The following UROD variants were observed in gnomAD, a reference collection of about 807,000 sequenced individuals.
UROD encodes the protein uroporphyrinogen III decarboxylase.
Under a neutral mutation model 47.1 loss-of-function variants are expected in UROD, and 34 were observed. The ratio of observed to expected loss-of-function variants is 0.72; its 90% CI spans 0.55 to 0.96. The LOEUF (loss-of-function observed/expected upper bound fraction) is 0.96, where lower values mean the gene tolerates loss of function less well. Among genes scored for constraint, UROD ranks in the 40% least tolerant of loss-of-function variants. The pLI is 0.00. For missense variants in UROD, 381 were observed against 471.8 expected (o/e 0.81, Z 1.78); for synonymous variants, 148 against 175.8 (o/e 0.84, Z 1.25).
Position 45,013,916 on chromosome 1 carries a change from T to C in UROD, c.482T>C (p.Leu161Pro). The C allele has an allele frequency of 6.2e-7, 1 of 1,614,222 alleles. No individual in the cohort carries two copies. The highest frequency in any genetic ancestry group is 8.5e-7 in the Non-Finnish European group (1 of 1,180,038). ...CTTTCTATCCTTCTCTAGTGGACCC[T>C]GATGACATACATGGTTGAGGGTGGT... is the stretch of plus-strand genomic sequence containing the variant. ...LIGFAGAPWTLMTYMVEGGGS... is the reference protein window; with the variant it reads ...LIGFAGAPWTPMTYMVEGGGS... The change falls in exon 6 of 10, where the codon CTG becomes CCG. Residue 161 changes from leucine to proline, a missense_variant. By Grantham distance (98) the Leu-to-Pro change is moderately conservative. Coordinates refer to ENST00000246337, the MANE Select transcript of UROD (RefSeq NM_000374.5). This position sits in a 1 kb window ranked among gnomAD's most constrained non-coding sequence, Gnocchi z 4.2.
chr1:45,015,444 G>A lies in UROD; in HGVS notation c.1050G>A (p.Val350=). The change falls in exon 10 of 10, where the codon GTG becomes GTA. Residue 350 remains valine, a synonymous_variant. Transcript: ENST00000246337. ...GLYPDMDPEH[V]GAFVDAVHKH... ...ATCCTGACATGGACCCAGAACATGT[G>A]GGCGCCTTTGTGGATGCTGTGCATA... 6.2e-7 allele frequency: 1 copy of A among 1,614,158 alleles called. No individual in the cohort carries two copies. Among genetic ancestry groups the A allele is most frequent in the South Asian group, 1.1e-5 (1 of 91,082 alleles).
chr1:45,015,224 G>A, intron 9 of UROD, 113 bp from the exon 10 acceptor site: 1 of 1,493,944 alleles, frequency 6.7e-7, no homozygotes, highest in Non-Finnish European at 9.1e-7. Flanking sequence ...TTTATTGAAT[G>A]ACTGAATAAC....
Position 45,013,781 on chromosome 1 carries a change from C to T in UROD, c.464C>T (p.Ala155Val), listed in dbSNP as rs1644825452. The change falls in exon 5 of 10, where the codon GCT (alanine) becomes GTT (valine). Residue 155 changes from alanine (A) to valine (V), a missense_variant. Physicochemically the swap from Ala to Val is moderately conservative, Grantham distance 64 (BLOSUM62 0). Coordinates refer to ENST00000246337, the MANE Select transcript of UROD (RefSeq NM_000374.5). The surrounding 1 kb of genome is among the most constrained non-coding windows in gnomAD (Gnocchi z 4.2). The part of the protein sequence containing the change: ...LAGRVPLIGF[A>V]GAPWTLMTYM... ...GGACGTGTGCCGCTGATTGGCTTTG[C>T]TGGTGCCCCAGTAATGTGGGACAGG... is the stretch of plus-strand genomic sequence containing the variant. 6.2e-7 allele frequency: 1 copy of T among 1,614,078 alleles called. No individual in the cohort carries two copies. The highest frequency in any genetic ancestry group is 8.5e-7 in the Non-Finnish European group (1 of 1,180,046).
rs1569967052 is a variant in UROD at position 45,014,944 on chromosome 1, T to A, written c.880T>A (p.Cys294Ser). 1 of 1,613,572 alleles carries A rather than the reference T, an allele frequency of 6.2e-7. No homozygotes were observed. Among genetic ancestry groups the A allele is most frequent in the South Asian group, 1.1e-5 (1 of 91,046 alleles). Residue 294 changes from cysteine to serine, a missense_variant, in exon 9 of 10, where the codon TGT becomes AGT. Physicochemically the swap from Cys to Ser is moderately radical, Grantham distance 112. Coordinates refer to ENST00000246337, the MANE Select transcript of UROD (RefSeq NM_000374.5). ...WTVAPKKARE[C>S]VGKTVTLQGN... is the part of the protein sequence containing the mutation. ...TGGCGCTGGCTTTGCTTCCAGGGAG[T>A]GTGTGGGGAAGACGGTGACATTGCA...
chr1:45,013,140 T>A lies in UROD; in HGVS notation c.138T>A (p.Phe46Leu), dbSNP rs769378741. 1.3e-5 allele frequency: 21 copies of A among 1,614,178 alleles called. No homozygotes were observed. Among genetic ancestry groups the A allele is most frequent in the Non-Finnish European group, 1.6e-5 (19 of 1,180,024 alleles). ...CTGTCTTCCCTCTGTATGCAGAGTTTAGGGAAACCCGGGCTGCCCAGGACT... is the reference window on the plus strand; with the variant it reads ...CTGTCTTCCCTCTGTATGCAGAGTTAAGGGAAACCCGGGCTGCCCAGGACT... ...MRQAGRYLPEFRETRAAQDFF... is the reference protein window; with the variant it reads ...MRQAGRYLPELRETRAAQDFF... The change falls in exon 3 of 10, where the codon TTT becomes TTA. Residue 46 changes from phenylalanine to leucine, a missense_variant. Transcript: ENST00000246337. The surrounding 1 kb of genome is among the most constrained non-coding windows in gnomAD (Gnocchi z 4.2).
At chr1:45,014,385 G>C (rs1644831053) in intron 6 of UROD, 54 bp from the exon 7 acceptor site, 4 of 1,613,060 alleles carry the variant, frequency 2.5e-6, no homozygotes, top group Non-Finnish European at 3.4e-6. Flanking sequence ...TTTGTATGTG[G>C]GGGAAACTTC....
rs1569960034 is a variant in UROD at position 45,013,002 on chromosome 1, C to G, written c.116C>G (p.Ala39Gly). Residue 39 changes from alanine (A) to glycine (G), a missense_variant, in exon 2 of 10, where the codon GCA becomes GGA. Transcript: ENST00000246337. The surrounding 1 kb of genome is among the most constrained non-coding windows in gnomAD (Gnocchi z 4.2). ...DYTPVWCMRQ[A>G]GRYLPEFRET... ...ACTCCCGTTTGGTGCATGCGCCAGG[C>G]AGGCCGTTACTTACCAGGTAAGAGT... The G allele has an allele frequency of 6.2e-7, 1 of 1,614,088 alleles. No homozygotes were observed. Among genetic ancestry groups the G allele is most frequent in the South Asian group, 1.1e-5 (1 of 91,080 alleles).
chr1:45,012,258 A>G lies in UROD; in HGVS notation c.-8A>G. The G allele has an allele frequency of 1.2e-6, 2 of 1,613,950 alleles. No individual in the cohort carries two copies. The highest frequency in any genetic ancestry group is 1.3e-5 in the African/African-American group (1 of 75,040). ...GTGGATTGAGCTCGCAGTTACAGAC[A>G]GCTGACCATGGAAGCGAATGGGTTG... On this transcript the variant is annotated 5_prime_UTR_variant, in exon 1 of 10. Transcript: ENST00000246337.
chr1:45,013,571 C>A lies in UROD; in HGVS notation c.277-23C>A, dbSNP rs1644823260. ...TCCTCCTGGATTCCATTTTGGGAAC[C>A]CAGATGTTTTCTCCCCCTCCAGGCA... On this transcript the variant is annotated intron_variant, in intron 4 of 9. Coordinates refer to ENST00000246337, the MANE Select transcript of UROD (RefSeq NM_000374.5). This position sits in a 1 kb window ranked among gnomAD's most constrained non-coding sequence, Gnocchi z 4.2. The A allele has an allele frequency of 6.2e-7, 1 of 1,613,960 alleles. No homozygotes were observed. Among genetic ancestry groups the A allele is most frequent in the Non-Finnish European group, 8.5e-7 (1 of 1,180,018 alleles).
rs765189134 is a variant in UROD at position 45,013,061 on chromosome 1, G to A, written c.133+42G>A. ...GGAAATCTAGATAAAACTCCGGAGG[G>A]AGAAAAGTTTTCGAGGGGCAGGGGA... On this transcript the variant is annotated intron_variant, in intron 2 of 9. Transcript: ENST00000246337. This position sits in a 1 kb window ranked among gnomAD's most constrained non-coding sequence, Gnocchi z 4.2. 3.7e-6 allele frequency: 6 copies of A among 1,614,112 alleles called. No individual in the cohort carries two copies. In the South Asian group the frequency reaches 6.6e-5, roughly 18 times the overall value.
At chr1:45,014,246 T>C in intron 6 of UROD, 176 bp downstream of exon 6, 1 of 1,287,872 alleles carries the variant, frequency 7.8e-7, no homozygotes. Context: ...GGCTTAATGC[T>C]CTAAGTATTC....
chr1:45,012,947 C>G lies in UROD; in HGVS notation c.61C>G (p.Arg21Gly). The G allele has an allele frequency of 6.2e-7, 1 of 1,613,900 alleles. No individual in the cohort carries two copies. Among genetic ancestry groups the G allele is most frequent in the Admixed American group, 1.7e-5 (1 of 60,004 alleles). ...GGAGCTGAAGAATGACACATTCCTG[C>G]GAGCAGCCTGGGGAGAGGAAACAGA... ...FPELKNDTFLRAAWGEETDYT... is the reference protein window; with the variant it reads ...FPELKNDTFLGAAWGEETDYT... The change falls in exon 2 of 10, where the codon CGA becomes GGA. Residue 21 changes from arginine (R) to glycine (G), a missense_variant. Coordinates refer to ENST00000246337, the MANE Select transcript of UROD (RefSeq NM_000374.5).
chr1:45,013,629 A>T lies in UROD; in HGVS notation c.312A>T (p.Lys104Asn). 1 of 1,614,000 alleles carries T rather than the reference A, an allele frequency of 6.2e-7. No homozygotes were observed. Among genetic ancestry groups the T allele is most frequent in the Admixed American group, 1.7e-5 (1 of 60,006 alleles). The change falls in exon 5 of 10, where the codon AAA becomes AAT. Residue 104 changes from lysine (K) to asparagine (N), a missense_variant. By Grantham distance (94) the Lys-to-Asn change is moderately conservative. Coordinates refer to ENST00000246337, the MANE Select transcript of UROD (RefSeq NM_000374.5). The surrounding 1 kb of genome is among the most constrained non-coding windows in gnomAD (Gnocchi z 4.2). ...TGGAGGTGACCATGGTACCTGGCAAAGGACCCAGCTTCCCAGAGCCATTAA... is the reference window on the plus strand; with the variant it reads ...TGGAGGTGACCATGGTACCTGGCAATGGACCCAGCTTCCCAGAGCCATTAA... ...LGMEVTMVPGKGPSFPEPLRE... is the reference protein window; with the variant it reads ...LGMEVTMVPGNGPSFPEPLRE...
In UROD at chr1:45,013,404, ATCCT is replaced by A. The variant is rs1452489697; in HGVS notation, c.276+53_276+56del. The A allele has an allele frequency of 1.9e-6, 3 of 1,612,988 alleles. No individual in the cohort carries two copies. Among genetic ancestry groups the A allele is most frequent in the Non-Finnish European group, 2.5e-6 (3 of 1,179,134 alleles). ...AATATAATCCAAGGACGCCTTGAAA[ATCCT>A]TCTATCAGTCCAGTCAAGGTTTACA... On this transcript the variant is annotated intron_variant, in intron 4 of 9. Transcript: ENST00000246337. This position sits in a 1 kb window ranked among gnomAD's most constrained non-coding sequence, Gnocchi z 4.2.
At position 45,015,497 on chromosome 1, in the gene UROD, G is replaced by A; in HGVS notation, c.1103G>A (p.Ter368=). 1.2e-6 allele frequency: 2 copies of A among 1,614,218 alleles called. No homozygotes were observed. The highest frequency in any genetic ancestry group is 1.7e-6 in the Non-Finnish European group (2 of 1,180,042). ...CACTCACGTCTGCTTCGACAGAACT[G>A]AGTGTATACCTTTACCCTCAAGTAC... The part of the protein sequence containing the change: ...HKHSRLLRQN[*] The change falls in exon 10 of 10, where the codon TGA becomes TAA. Residue 368 remains the stop codon, a stop_retained_variant. Coordinates refer to ENST00000246337, the MANE Select transcript of UROD (RefSeq NM_000374.5).
At chr1:45,014,392 C>G in intron 6 of UROD, 47 bp from the exon 7 acceptor site, 2 of 1,613,470 alleles carry the variant, frequency 1.2e-6, no homozygotes, top group Non-Finnish European at 1.7e-6. Context: ...GTGGGGGAAA[C>G]TTCCTCTTTG....
In UROD at chr1:45,013,614, C is replaced by T. The variant is rs1644823613; in HGVS notation, c.297C>T (p.Thr99=). 1 of 1,613,996 alleles carries T rather than the reference C, an allele frequency of 6.2e-7. No homozygotes were observed. Among genetic ancestry groups the T allele is most frequent in the African/African-American group, 1.3e-5 (1 of 74,908 alleles). ...TCCAGGCACTGGGCATGGAGGTGAC[C>T]ATGGTACCTGGCAAAGGACCCAGCT... ...VVPQALGMEV[T]MVPGKGPSFP... The change falls in exon 5 of 10, where the codon ACC becomes ACT. Residue 99 remains threonine (T), a synonymous_variant. Coordinates refer to ENST00000246337, the MANE Select transcript of UROD (RefSeq NM_000374.5). This position sits in a 1 kb window ranked among gnomAD's most constrained non-coding sequence, Gnocchi z 4.2.
Position 45,014,045 on chromosome 1 carries a change from T to C in UROD, c.611T>C (p.Val204Ala). 1.9e-6 allele frequency: 3 copies of C among 1,614,224 alleles called. No homozygotes were observed. The highest frequency in any genetic ancestry group is 2.5e-6 in the Non-Finnish European group (3 of 1,180,034). The part of the protein sequence containing the change: ...ILTDALVPYL[V>A]GQVVAGAQAL... Reference sequence around the variant, plus strand: ...ACTGATGCTCTGGTCCCATATCTGGTAGGACAAGTGGTGGCTGGTGCCCAG... The same window carrying C: ...ACTGATGCTCTGGTCCCATATCTGGCAGGACAAGTGGTGGCTGGTGCCCAG... Residue 204 changes from valine to alanine, a missense_variant, in exon 6 of 10, where the codon GTA becomes GCA. Val to Ala is a moderately conservative substitution (Grantham distance 64, BLOSUM62 0). Transcript: ENST00000246337.
In UROD at chr1:45,012,934, T is replaced by A; in HGVS notation, c.48T>A (p.Asn16Lys). The A allele has an allele frequency of 6.2e-7, 1 of 1,612,510 alleles. No homozygotes were observed. Among genetic ancestry groups the A allele is most frequent in the Non-Finnish European group, 8.5e-7 (1 of 1,179,324 alleles). The change falls in exon 2 of 10, where the codon AAT (asparagine) becomes AAA (lysine). Residue 16 changes from asparagine (N) to lysine (K), a missense_variant. Transcript: ENST00000246337. ...CTCAGGGTTTTCCGGAGCTGAAGAA[T>A]GACACATTCCTGCGAGCAGCCTGGG... Reference protein sequence around the residue: ...LGPQGFPELKNDTFLRAAWGE... With the variant: ...LGPQGFPELKKDTFLRAAWGE...
Sources: allele counts gnomAD v4.1 joint callset, GRCh38; gene constraint gnomAD v4.1.1; non-coding constraint Gnocchi (gnomAD v3.1); transcripts MANE v1.5; gene names NCBI Gene and HGNC (gene_info 2026-07-23, HGNC 2026-07-21).